ADD3: variants seen among roughly 807,000 people sequenced by gnomAD.
ADD3 encodes the protein gamma-adducin.
ADD3 carries 25 observed loss-of-function variants against 80.2 expected under a neutral mutation model. The ratio of observed to expected loss-of-function variants is 0.31; its 90% confidence interval spans 0.23 to 0.44. ADD3 has a LOEUF of 0.44. ADD3 is among the 20% of genes least tolerant of loss of function. The pLI, the probability that ADD3 is intolerant of heterozygous loss-of-function variation, is 1.00. For synonymous variants in ADD3, 284 were observed against 289.6 expected (o/e 0.98, Z 0.20); for missense variants, 829 against 847.5 (o/e 0.98, Z 0.27).
At chr10:110,055,390 G>C (rs1357445193) in intron 1 of ADD3, among the ~76,000 whole-genome samples, 2 of 152,148 alleles carry the variant, frequency 1.3e-5, no homozygotes, top group Admixed American at 6.5e-5. Flanking sequence ...AAATAAGCAT[G>C]TTTTGGGATG....
chr10:110,063,740 TATATATATATATATATATATATATA>T (rs1843516086), intron 1 of ADD3, among the ~76,000 whole-genome samples: 3 of 21,966 alleles, frequency 1.4e-4, no homozygotes, highest in East Asian at 2.6e-3. Flanking sequence ...ATATTCATTA[TATATATATATATATATATATATATA>T]TATATATATA....
chr10:110,077,908 T>C (rs567231822), intron 1 of ADD3, among the ~76,000 whole-genome samples: 4 of 152,218 alleles, frequency 2.6e-5, no homozygotes, highest in African/African-American at 9.6e-5. Flanking sequence ...AGAGAGGCTG[T>C]GCTTTGTGTT....
intron 10 of ADD3, 185 bp from the exon 11 acceptor site, chr10:110,125,641 G>C (rs1852054807): frequency 2.6e-6 from 1 of 380,038 alleles, no homozygotes; most frequent in Non-Finnish European, 4.7e-6. Context: ...TATTTTTTAA[G>C]TAAATGTTGA....
chr10:110,085,857 G>GCACT (rs1554940389), intron 1 of ADD3, among the ~76,000 whole-genome samples: 1 of 152,194 alleles, frequency 6.6e-6, no homozygotes, highest in Non-Finnish European at 1.5e-5. Flanking sequence ...TGTAATCCCA[G>GCACT]CACTTTGGGA....
chr10:110,090,039 A>C (rs1036857669), intron 1 of ADD3, among the ~76,000 whole-genome samples: 2 of 152,044 alleles, frequency 1.3e-5, no homozygotes, highest in Non-Finnish European at 2.9e-5. Flanking sequence ...CCATCACCTC[A>C]AGTACAGAAA....
At chr10:110,048,897 C>T (rs1002430403) in intron 1 of ADD3, among the ~76,000 whole-genome samples, 9 of 152,182 alleles carry the variant, frequency 5.9e-5, no homozygotes, top group African/African-American at 2.2e-4. Context: ...TGTTAATCGC[C>T]AAAACAATGG....
intron 1 of ADD3, among the ~76,000 whole-genome samples, chr10:110,036,392 T>TC (rs1855651234): frequency 6.7e-6 from 1 of 148,748 alleles, no homozygotes; most frequent in South Asian, 2.2e-4. Flanking sequence ...TTTTTTTTTT[T>TC]TTTCTTGAGA....
intron 5 of ADD3, among the ~76,000 whole-genome samples, chr10:110,117,931 G>T (rs761296060): frequency 1.3e-5 from 2 of 151,468 alleles, no homozygotes; most frequent in Non-Finnish European, 2.9e-5. Flanking sequence ...CAGGAGAATC[G>T]CTTGAATCCA....
At chr10:110,056,997 AT>A (rs1858276958) in intron 1 of ADD3, among the ~76,000 whole-genome samples, 1 of 152,122 alleles carries the variant, frequency 6.6e-6, no homozygotes, top group African/African-American at 2.4e-5. Context: ...AGTTCTTTGG[AT>A]TCCTGTGGTC....
At chr10:110,019,158 T>G (rs1360939109) in intron 1 of ADD3, among the ~76,000 whole-genome samples, 1 of 152,174 alleles carries the variant, frequency 6.6e-6, no homozygotes, top group East Asian at 1.9e-4. Flanking sequence ...ATGTGGATGA[T>G]GGATGGATGG....
intron 1 of ADD3, among the ~76,000 whole-genome samples, chr10:110,019,355 T>G (rs1853381319): frequency 1.4e-5 from 2 of 146,836 alleles, no homozygotes; most frequent in South Asian, 2.1e-4. Context: ...ACTTTCTGTT[T>G]GCTTTTTTTT....
intron 1 of ADD3, among the ~76,000 whole-genome samples, chr10:110,097,568 A>G (rs369383382): frequency 2.5e-4 from 38 of 152,254 alleles, no homozygotes; most frequent in African/African-American, 8.7e-4. Context: ...CCATGTTGTA[A>G]TTATCAGTTT....
chr10:110,069,561 TC>T (rs780079464), intron 1 of ADD3, among the ~76,000 whole-genome samples: 11 of 152,108 alleles, frequency 7.2e-5, no homozygotes, highest in Non-Finnish European at 1.5e-4. Flanking sequence ...TTTTTCCCCT[TC>T]CCACCCTCTC....
intron 1 of ADD3, among the ~76,000 whole-genome samples, chr10:110,020,571 T>A (rs1853552901): frequency 6.6e-6 from 1 of 152,098 alleles, no homozygotes; most frequent in Non-Finnish European, 1.5e-5. Flanking sequence ...GTGGTGGGGA[T>A]AATGGGAAGC....
chr10:110,003,465 TATATTTACATAGTGCTTTGAAAAG>T (rs373936424), upstream of ADD3, among the ~76,000 whole-genome samples: 695 of 152,302 alleles, frequency 4.6e-3, 11 homozygotes, highest in African/African-American at 0.015. Flanking sequence ...AATAATACCT[TATATTTACATAGTGCTTTGAAAAG>T]TTCAAAGCAT....
chr10:110,026,776 ATT>A (rs199911023), intron 1 of ADD3, among the ~76,000 whole-genome samples: 14 of 145,686 alleles, frequency 9.6e-5, no homozygotes, highest in East Asian at 2.0e-4. Context: ...TTAATGATTG[ATT>A]TTTTTTTTTT....
chr10:110,042,427 G>A (rs1451231361), intron 1 of ADD3, among the ~76,000 whole-genome samples: 2 of 152,014 alleles, frequency 1.3e-5, no homozygotes, highest in South Asian at 2.1e-4. Flanking sequence ...CGTGTTTGTC[G>A]GTCAGTCTTG....
intron 1 of ADD3, among the ~76,000 whole-genome samples, chr10:110,034,925 A>G (rs927152180): frequency 1.3e-5 from 2 of 152,232 alleles, no homozygotes; most frequent in South Asian, 4.1e-4. Flanking sequence ...AAAAAGATTA[A>G]CCAGCCATGT....
intron 1 of ADD3, among the ~76,000 whole-genome samples, chr10:110,051,040 C>T (rs562537272): frequency 1.3e-5 from 2 of 152,116 alleles, no homozygotes; most frequent in Non-Finnish European, 2.9e-5. Flanking sequence ...GACAACGGTG[C>T]CAGCACCATT....
Sources: allele counts gnomAD v4.1 joint callset (sites outside exome capture counted in the v4.1 genomes callset), GRCh38; gene constraint gnomAD v4.1.1; transcripts MANE v1.5; gene names NCBI Gene and HGNC (gene_info 2026-07-23, HGNC 2026-07-21).